Variants in MACROD2 observed in about 807,000 individuals in gnomAD.
MACROD2 encodes the protein ADP-ribose glycohydrolase MACROD2.
A neutral mutation model predicts 70.4 loss-of-function variants in MACROD2; 36 were observed. The ratio of observed to expected loss-of-function variants is 0.51; its 90% CI spans 0.39 to 0.68. The LOEUF is 0.68. Ranked by LOEUF, MACROD2 falls within the 30% of genes least tolerant of loss-of-function variation. The pLI is 0.00. For synonymous variants in MACROD2, 172 were observed against 178.8 expected (o/e 0.96, Z 0.30); for missense variants, 496 against 538.4 (o/e 0.92, Z 0.78).
chr20:14,264,912 T>C (rs2082131425), intron 3 of MACROD2, among the ~76,000 whole-genome samples: 1 of 152,186 alleles, frequency 6.6e-6, no homozygotes, highest in South Asian at 2.1e-4. Flanking sequence ...CTGAATTTTG[T>C]TGAGGGGCAA....
chr20:14,705,208 G>A (rs139932334), intron 5 of MACROD2, among the ~76,000 whole-genome samples: 131 of 151,882 alleles, frequency 8.6e-4, no homozygotes, highest in Middle Eastern at 6.8e-3. Context: ...TATTCTACCC[G>A]TCTGTTACTT....
intron 5 of MACROD2, among the ~76,000 whole-genome samples, chr20:15,001,451 CT>C (rs2074994716): frequency 6.6e-6 from 1 of 152,156 alleles, no homozygotes; most frequent in Non-Finnish European, 1.5e-5. Flanking sequence ...TCCTCTAAAA[CT>C]TTAGGGTCTA....
intron 15 of MACROD2, among the ~76,000 whole-genome samples, chr20:16,037,015 G>C (rs1176227799): frequency 1.3e-5 from 2 of 151,962 alleles, no homozygotes; most frequent in East Asian, 3.9e-4. Flanking sequence ...GTGGTATACA[G>C]AGCTACAACT....
At chr20:14,116,528 AT>A (rs1489069467) in intron 3 of MACROD2, among the ~76,000 whole-genome samples, 1 of 152,058 alleles carries the variant, frequency 6.6e-6, no homozygotes, top group Non-Finnish European at 1.5e-5. Flanking sequence ...TGGTGGATTT[AT>A]TTTTTAATGC....
chr20:14,503,421 A>G (rs1276839692), intron 4 of MACROD2, among the ~76,000 whole-genome samples: 1 of 152,158 alleles, frequency 6.6e-6, no homozygotes, highest in Admixed American at 6.5e-5. Flanking sequence ...CAGATTAGCT[A>G]AGAGAAGGTT....
intron 12 of MACROD2, among the ~76,000 whole-genome samples, chr20:15,954,037 G>A (rs2147373401): frequency 6.6e-6 from 1 of 152,250 alleles, no homozygotes; most frequent in African/African-American, 2.4e-5. Context: ...CCAAGATTAA[G>A]TGTTTATGTT....
chr20:15,952,571 G>A (rs1035387776), intron 12 of MACROD2, among the ~76,000 whole-genome samples: 4 of 152,038 alleles, frequency 2.6e-5, no homozygotes, highest in Non-Finnish European at 5.9e-5. Context: ...GGAAAAGCAG[G>A]TAAACACCAC....
intron 2 of MACROD2, among the ~76,000 whole-genome samples, chr20:14,064,613 T>A (rs551599967): frequency 1.3e-5 from 2 of 152,326 alleles, no homozygotes; most frequent in Admixed American, 6.5e-5. Flanking sequence ...CATTTTCATT[T>A]TTCTATCTCC....
At chr20:15,112,950 CTGTG>C (rs11467446) in intron 5 of MACROD2, among the ~76,000 whole-genome samples, 4,932 of 145,692 alleles carry the variant, frequency 0.034, 214 homozygotes, top group African/African-American at 0.1. Context: ...TAATATTTCA[CTGTG>C]TGTGTGTGTG....
chr20:15,672,905 C>T (rs200731), intron 8 of MACROD2, among the ~76,000 whole-genome samples: 104,996 of 151,992 alleles, frequency 0.69, 36,428 homozygotes, highest in East Asian at 0.94. Context: ...GTTCTTGTGA[C>T]AGTGAATAGG....
intron 15 of MACROD2, among the ~76,000 whole-genome samples, chr20:16,030,170 A>C (rs990728784): frequency 6.6e-6 from 1 of 152,206 alleles, no homozygotes; most frequent in Admixed American, 6.5e-5. Flanking sequence ...AGTGCCCACT[A>C]TGGGAAGTCC....
At chr20:15,301,629 A>G (rs1465939739) in intron 6 of MACROD2, among the ~76,000 whole-genome samples, 1 of 85,374 alleles carries the variant, frequency 1.2e-5, no homozygotes, top group Non-Finnish European at 2.5e-5. Context: ...AGACAAGAGT[A>G]TTGAAGTGCC....
chr20:14,775,957 C>A (rs2072228230), intron 5 of MACROD2, among the ~76,000 whole-genome samples: 2 of 151,972 alleles, frequency 1.3e-5, no homozygotes, highest in Non-Finnish European at 2.9e-5. Context: ...ACTGATAATT[C>A]CAGCAGGCAA....
At chr20:15,142,881 T>C (rs2076202892) in intron 5 of MACROD2, among the ~76,000 whole-genome samples, 1 of 152,196 alleles carries the variant, frequency 6.6e-6, no homozygotes, top group Non-Finnish European at 1.5e-5. Context: ...ATGGTATATA[T>C]GTGCCACATT....
intron 5 of MACROD2, among the ~76,000 whole-genome samples, chr20:14,792,221 A>C (rs944478058): frequency 3.3e-5 from 5 of 152,104 alleles, no homozygotes; most frequent in African/African-American, 1.2e-4. Context: ...ATTAGCACTA[A>C]ATTATTCTGT....
rs187858889 is a variant in MACROD2 at position 14,970,746 on chromosome 20, G to C, written c.419-259194G>C. 6.6e-5 allele frequency among the ~76,000 whole-genome samples: 10 copies of C among 152,174 alleles called. No homozygotes were observed. In the East Asian group the frequency reaches 1.7e-3, roughly 26 times the overall value. Reference sequence around the variant, plus strand: ...GCTCACTGCATCCTTAACCTCTTGGGCTCAAACGATCCTCCTGCCTCAGCC... The same window carrying C: ...GCTCACTGCATCCTTAACCTCTTGGCCTCAAACGATCCTCCTGCCTCAGCC... On this transcript the variant is annotated intron_variant, in intron 5 of 17. Transcript: ENST00000684519.
intron 8 of MACROD2, among the ~76,000 whole-genome samples, chr20:15,677,788 G>T (rs2146850370): frequency 6.6e-6 from 1 of 152,256 alleles, no homozygotes; most frequent in South Asian, 2.1e-4. Context: ...ATGTATTTTG[G>T]CCAGGCGCGG....
intron 5 of MACROD2, among the ~76,000 whole-genome samples, chr20:14,965,443 A>C (rs1212819338): frequency 4.8e-5 from 4 of 83,140 alleles, no homozygotes; most frequent in South Asian, 3.8e-4. Flanking sequence ...GCTAAAAGTT[A>C]TTTTTTTTTC....
At chr20:14,248,287 T>A (rs1488942701) in intron 3 of MACROD2, among the ~76,000 whole-genome samples, 2 of 152,174 alleles carry the variant, frequency 1.3e-5, no homozygotes, top group African/African-American at 4.8e-5. Context: ...CACAAAATTA[T>A]TTAAAATATT....
Sources: gnomAD v4.1 joint callset for allele counts (sites outside exome capture counted in the v4.1 genomes callset) on GRCh38, gnomAD v4.1.1 for gene constraint, MANE v1.5 for transcripts, NCBI Gene and HGNC (gene_info 2026-07-23, HGNC 2026-07-21) for gene names.